The following PCBP3 variants were observed in gnomAD, a reference collection of about 807,000 sequenced individuals.
PCBP3 encodes poly(rC)-binding protein 3.
In PCBP3, 25 loss-of-function variants were observed where a neutral mutation model predicts 52.7. The observed-to-expected ratio is 0.47, with a 90% CI of 0.35 to 0.66. PCBP3 has a LOEUF of 0.66. PCBP3 is among the 30% of genes least tolerant of loss of function. The pLI is 0.01. For missense variants in PCBP3, 391 were observed against 490.3 expected, an observed-to-expected ratio of 0.80 and a Z score of 1.91; for synonymous variants, 162 against 183.0, an observed-to-expected ratio of 0.89 and a Z score of 0.93.
At chr21:45,716,144 A>T (rs1224101101) in intron 2 of PCBP3, among the ~76,000 whole-genome samples, 1 of 152,122 alleles carries the variant, frequency 6.6e-6, no homozygotes, top group African/African-American at 2.4e-5. Context: ...ATTTTCGTAT[A>T]TAGTATGAAA....
intron 3 of PCBP3, among the ~76,000 whole-genome samples, chr21:45,752,430 G>A (rs78940664): frequency 0.06 from 9,046 of 151,816 alleles, 360 homozygotes; most frequent in East Asian, 0.21. Flanking sequence ...ATAGATCAGC[G>A]TTTAAAGTTG....
chr21:45,766,002 T>A (rs919131399), intron 4 of PCBP3, among the ~76,000 whole-genome samples: 1 of 152,254 alleles, frequency 6.6e-6, no homozygotes, highest in Non-Finnish European at 1.5e-5. Context: ...TGTGGGCTAC[T>A]GTGCCTTTTA....
chr21:45,849,027 G>A (rs1369138435), intron 4 of PCBP3, among the ~76,000 whole-genome samples: 1 of 152,054 alleles, frequency 6.6e-6, no homozygotes, highest in African/African-American at 2.4e-5. Context: ...ATCCTTTTTT[G>A]TTGGTCAGCA....
intron 4 of PCBP3, among the ~76,000 whole-genome samples, chr21:45,774,090 T>A (rs1241816617): frequency 6.6e-6 from 1 of 152,188 alleles, no homozygotes; most frequent in Admixed American, 6.5e-5. Context: ...TGCAACTTAC[T>A]GAATTCATTT....
At position 45,763,664 on chromosome 21, in the gene PCBP3, G is replaced by C. The variant is rs561871347; in HGVS notation, c.-126+8212G>C. ...GCCTGCGCCCACCAGTGTGGTCCGG[G>C]AGCAGGGAGGTGGCAGAGCCAGGGC... On this transcript the variant is annotated intron_variant, in intron 4 of 17. Coordinates refer to ENST00000681687, the MANE Select transcript of PCBP3 (RefSeq NM_001384156.1). 4 of 152,454 alleles carry C rather than the reference G, an allele frequency of 2.6e-5. No homozygotes were observed. The East Asian group carries it at 7.7e-4, about 29-fold the overall frequency. 9.4% of individuals were successfully genotyped at this position (152,454 alleles called of 1,614,324 possible). A position where few individuals can be genotyped will look rare whatever the true frequency, so the allele number is the denominator to read the frequency against.
intron 13 of PCBP3, among the ~76,000 whole-genome samples, chr21:45,925,713 T>C (rs115869104): frequency 0.011 from 1,688 of 152,198 alleles, 38 homozygotes; most frequent in African/African-American, 0.038. Context: ...AAAACAAGAC[T>C]TTAAGAGAAA....
chr21:45,700,250 C>T (rs888963447), intron 2 of PCBP3, among the ~76,000 whole-genome samples: 1 of 152,124 alleles, frequency 6.6e-6, no homozygotes, highest in South Asian at 2.1e-4. Context: ...CCCTTAGGCC[C>T]TGAAAAATCC....
intron 9 of PCBP3, among the ~76,000 whole-genome samples, chr21:45,905,914 T>A (rs984233447): frequency 6.6e-6 from 1 of 152,190 alleles, no homozygotes; most frequent in African/African-American, 2.4e-5. Context: ...AAGTGGGATG[T>A]TAGGCCGGGA....
chr21:45,868,511 C>T (rs756446821), intron 5 of PCBP3, among the ~76,000 whole-genome samples: 4 of 145,490 alleles, frequency 2.7e-5, no homozygotes, highest in Non-Finnish European at 4.5e-5. Context: ...GTCTGACTTT[C>T]TGCAGTTTAA....
At chr21:45,871,072 A>G (rs2094985960) in intron 5 of PCBP3, 2 of 135,418 alleles carry the variant, frequency 1.5e-5, no homozygotes, top group South Asian at 3.1e-4. Context: ...AACCCCCTAC[A>G]GGAAGGCAGT....
intron 5 of PCBP3, among the ~76,000 whole-genome samples, chr21:45,875,061 G>A (rs902352606): frequency 3.3e-5 from 5 of 152,234 alleles, no homozygotes; most frequent in South Asian, 2.1e-4. Context: ...CACTGAGCCC[G>A]AGCAGCGCGG....
rs371780387 is a variant in PCBP3 at position 45,706,125 on chromosome 21, G to T, written c.-199-29267G>T. On this transcript the variant is annotated intron_variant, in intron 2 of 17. Coordinates refer to ENST00000681687, the MANE Select transcript of PCBP3 (RefSeq NM_001384156.1). ...ATTGCTGCAGTACATCAAAGGTAAT[G>T]AATTTGAACAAACTTTCTCCTCCTG... 2.6e-5 allele frequency among the ~76,000 whole-genome samples: 4 copies of T among 152,304 alleles called. No homozygotes were observed. The East Asian group carries it at 7.7e-4, about 29-fold the overall frequency.
chr21:45,669,753 AT>A (rs1486623459), intron 2 of PCBP3, among the ~76,000 whole-genome samples: 2 of 139,888 alleles, frequency 1.4e-5, no homozygotes, highest in Non-Finnish European at 3.0e-5. Context: ...ATGTGTTGGA[AT>A]TTCTTCCCTT....
At chr21:45,700,405 A>G (rs2083044760) in intron 2 of PCBP3, among the ~76,000 whole-genome samples, 1 of 152,204 alleles carries the variant, frequency 6.6e-6, no homozygotes, top group Non-Finnish European at 1.5e-5. Context: ...CTGGATTCCC[A>G]ATAGAAGAGA....
intron 3 of PCBP3, among the ~76,000 whole-genome samples, chr21:45,740,738 C>T (rs974806745): frequency 7.3e-5 from 11 of 150,540 alleles, no homozygotes; most frequent in African/African-American, 2.0e-4. Flanking sequence ...TGCACGCATG[C>T]GTGTGTGTGT....
chr21:45,703,650 G>C (rs2083269183), intron 2 of PCBP3, among the ~76,000 whole-genome samples: 1 of 152,146 alleles, frequency 6.6e-6, no homozygotes, highest in Non-Finnish European at 1.5e-5. Context: ...GACTTAGCCT[G>C]TAAAAGGAGG....
chr21:45,776,061 T>C (rs2090229977), intron 4 of PCBP3, among the ~76,000 whole-genome samples: 1 of 152,212 alleles, frequency 6.6e-6, no homozygotes, highest in Non-Finnish European at 1.5e-5. Flanking sequence ...AAGGATTTTT[T>C]TTATTTTCAT....
At chr21:45,812,843 A>C (rs1317570664) in intron 4 of PCBP3, among the ~76,000 whole-genome samples, 1 of 152,132 alleles carries the variant, frequency 6.6e-6, no homozygotes, top group Non-Finnish European at 1.5e-5. Context: ...CCCATATGTA[A>C]TATGTCATTC....
intron 4 of PCBP3, among the ~76,000 whole-genome samples, chr21:45,841,048 G>A (rs1439390205): frequency 2.0e-5 from 3 of 152,208 alleles, no homozygotes; most frequent in Non-Finnish European, 4.4e-5. Context: ...GTACCGCTTT[G>A]TAGCCTAGGA....
Sources: allele counts gnomAD v4.1 joint callset (sites outside exome capture counted in the v4.1 genomes callset), GRCh38; gene constraint gnomAD v4.1.1; transcripts MANE v1.5; gene names NCBI Gene and HGNC (gene_info 2026-07-23, HGNC 2026-07-21).